The following SYT14 variants were observed in gnomAD, a reference collection of about 807,000 sequenced individuals.
SYT14 encodes synaptotagmin-14.
In SYT14, 32 loss-of-function variants were observed where a neutral mutation model predicts 74.2. The ratio of observed to expected loss-of-function variants is 0.43; its 90% CI spans 0.33 to 0.58. The LOEUF (loss-of-function observed/expected upper bound fraction) is 0.58. Ranked by LOEUF, SYT14 falls within the 20% of genes least tolerant of loss-of-function variation. SYT14 has a pLI of 0.05. For missense variants in SYT14, 791 were observed against 981.8 expected (o/e 0.81, Z 2.60); for synonymous variants, 298 against 337.7 (o/e 0.88, Z 1.29).
chr1:210,087,462 G>A (rs1388664943), intron 5 of SYT14, among the ~76,000 whole-genome samples: 3 of 152,008 alleles, frequency 2.0e-5, no homozygotes, highest in Non-Finnish European at 4.4e-5. Flanking sequence ...TCCTCAATGC[G>A]AACACACTCC....
At chr1:210,136,061 A>G (rs1248848823) in intron 7 of SYT14, among the ~76,000 whole-genome samples, 2 of 152,196 alleles carry the variant, frequency 1.3e-5, no homozygotes, top group Non-Finnish European at 2.9e-5. Flanking sequence ...GCTGAGACAA[A>G]TTCACTGAAG....
chr1:210,167,554 T>C (rs902088231), exon 10 of SYT14: 3 of 152,216 alleles, frequency 2.0e-5, no homozygotes, highest in African/African-American at 7.2e-5. Context: ...CATTTTACAT[T>C]TTGAAGTTTT....
At chr1:210,042,919 A>G (rs1330322334) in intron 5 of SYT14, among the ~76,000 whole-genome samples, 2 of 152,234 alleles carry the variant, frequency 1.3e-5, no homozygotes, top group Non-Finnish European at 2.9e-5. Flanking sequence ...TGAGGATAGC[A>G]TTGAATCTAT....
intron 5 of SYT14, among the ~76,000 whole-genome samples, chr1:210,039,808 T>C (rs545241576): frequency 6.6e-6 from 1 of 152,112 alleles, no homozygotes; most frequent in Non-Finnish European, 1.5e-5. Context: ...ATTAGAGAAA[T>C]GCAAATCAAA....
intron 5 of SYT14, among the ~76,000 whole-genome samples, chr1:210,087,565 CT>C (rs1327639459): frequency 6.6e-6 from 1 of 152,104 alleles, no homozygotes; most frequent in East Asian, 1.9e-4. Flanking sequence ...CTCACTGGGC[CT>C]TTCTTACCTG....
intron 4 of SYT14, among the ~76,000 whole-genome samples, chr1:210,020,628 A>G (rs535891894): frequency 3.9e-4 from 59 of 152,326 alleles, no homozygotes; most frequent in African/African-American, 1.3e-3. Context: ...AATCAGAGCT[A>G]TAGTACTGGC....
At chr1:210,162,253 A>G (rs528578932) in exon 10 of SYT14, 12 of 428,918 alleles carry the variant, frequency 2.8e-5, no homozygotes, top group Non-Finnish European at 5.2e-5. Context: ...TGTAAGTTAA[A>G]TTTGCTCATA....
At chr1:209,957,449 A>G (rs557248605) in intron 2 of SYT14, among the ~76,000 whole-genome samples, 4 of 151,452 alleles carry the variant, frequency 2.6e-5, no homozygotes, top group Non-Finnish European at 5.9e-5. Flanking sequence ...TTTTTTTGAG[A>G]CAGTCTCGCT....
At chr1:210,131,530 A>G (rs759235820) in intron 7 of SYT14, among the ~76,000 whole-genome samples, 29 of 151,314 alleles carry the variant, frequency 1.9e-4, no homozygotes, top group Non-Finnish European at 3.8e-4. Context: ...TTATCCTTCT[A>G]TTTTTTATCA....
chr1:210,068,826 T>C (rs2081342498), intron 5 of SYT14, among the ~76,000 whole-genome samples: 1 of 151,754 alleles, frequency 6.6e-6, no homozygotes, highest in African/African-American at 2.4e-5. Context: ...CTTTCATTTT[T>C]CTTTTACTTA....
At chr1:209,958,213 A>G (rs919501046) in intron 2 of SYT14, among the ~76,000 whole-genome samples, 2 of 152,096 alleles carry the variant, frequency 1.3e-5, no homozygotes, top group Non-Finnish European at 2.9e-5. Flanking sequence ...ACCTCTGTCA[A>G]GTTTTTATCA....
intron 5 of SYT14, among the ~76,000 whole-genome samples, chr1:210,082,944 A>G (rs2081642794): frequency 6.6e-6 from 1 of 152,000 alleles, no homozygotes; most frequent in Non-Finnish European, 1.5e-5. Context: ...GTTGGTAGCT[A>G]TACGTGCAGT....
rs146635223 is a variant in SYT14, at chr1:209,967,643, C to T, written c.-486+14887C>T. ...TTTATCCTATTAATATCTGTAGACTCAAATGAAGATAATCTATTTCATTTC... is the reference window on the plus strand; with the variant it reads ...TTTATCCTATTAATATCTGTAGACTTAAATGAAGATAATCTATTTCATTTC... On this transcript the variant is annotated intron_variant, in intron 2 of 9. Coordinates refer to ENST00000637265, the Ensembl canonical transcript of SYT14. Among the ~76,000 whole-genome samples the T allele has an allele frequency of 9.9e-3, 1,501 of 152,008 alleles. 23 individuals carry two copies. The highest frequency in any genetic ancestry group is 0.035 in the African/African-American group (1,432 of 41,464).
At chr1:210,124,630 G>A (rs2082530649) in intron 7 of SYT14, among the ~76,000 whole-genome samples, 1 of 152,174 alleles carries the variant, frequency 6.6e-6, no homozygotes, top group African/African-American at 2.4e-5. Context: ...CAACAAGACA[G>A]TTAAGCTAAG....
chr1:209,945,208 A>G lies in SYT14; in HGVS notation c.-534+6931A>G, dbSNP rs111913967. ...TTTCTGTCCTGAGGTTATTATTACT[A>G]TTTTATAAATTACTTTAGCTATTAT... On this transcript the variant is annotated intron_variant, in intron 1 of 9. Coordinates refer to ENST00000637265, the Ensembl canonical transcript of SYT14. Among the ~76,000 whole-genome samples the G allele has an allele frequency of 3.6e-3, 555 of 152,222 alleles. 5 individuals are homozygous for G. The highest frequency in any genetic ancestry group is 0.013 in the African/African-American group (540 of 41,534).
intron 7 of SYT14, among the ~76,000 whole-genome samples, chr1:210,125,068 C>CT (rs568036122): frequency 2.7e-4 from 39 of 145,036 alleles, no homozygotes; most frequent in East Asian, 4.0e-4. Flanking sequence ...CATTCTTTTT[C>CT]TTTTTTTTTT....
chr1:210,169,559 A>G (rs946079771), exon 10 of SYT14: 1 of 151,938 alleles, frequency 6.6e-6, no homozygotes, highest in Non-Finnish European at 1.5e-5. Flanking sequence ...TATAAAATTA[A>G]TTGATTTATT....
At chr1:209,954,761 A>G (rs191640917) in intron 2 of SYT14, among the ~76,000 whole-genome samples, 2 of 149,506 alleles carry the variant, frequency 1.3e-5, no homozygotes, top group East Asian at 4.0e-4. Flanking sequence ...GCTGGAATGC[A>G]GTGGTACGAT....
At chr1:210,111,564 G>C (rs1168912576) in intron 7 of SYT14, among the ~76,000 whole-genome samples, 1 of 151,188 alleles carries the variant, frequency 6.6e-6, no homozygotes, top group African/African-American at 2.5e-5. Flanking sequence ...GGGCTGCTTC[G>C]AGCGGGATTA....
Sources: allele counts gnomAD v4.1 joint callset (sites outside exome capture counted in the v4.1 genomes callset), GRCh38; gene constraint gnomAD v4.1.1; transcripts MANE v1.5; gene names NCBI Gene and HGNC (gene_info 2026-07-23, HGNC 2026-07-21).